Variants in LRP2 observed in about 807,000 individuals in gnomAD.
LRP2 encodes the protein low-density lipoprotein receptor-related protein 2.
A neutral mutation model predicts 531.0 loss-of-function variants in LRP2; 172 were observed. The observed-to-expected ratio is 0.32, with a 90% CI of 0.29 to 0.37. The LOEUF is 0.37. Ranked by LOEUF, LRP2 falls within the 10% of genes least tolerant of loss-of-function variation. The probability of loss-of-function intolerance (pLI) is 1.00; values close to 1 mark genes in which losing one functional copy is unlikely to be tolerated. For missense variants in LRP2, 5,167 were observed against 5,868.3 expected (o/e 0.88, Z 3.90); for synonymous variants, 1,992 against 2,027.6 (o/e 0.98, Z 0.47).
chr2:169,325,863 A>T (rs1249109213), intron 1 of LRP2, among the ~76,000 whole-genome samples: 2 of 152,118 alleles, frequency 1.3e-5, no homozygotes, highest in Admixed American at 6.5e-5. Flanking sequence ...TTATTGATTC[A>T]GAGCCCTGAT....
chr2:169,130,395 C>T (rs1474121144), intron 77 of LRP2, among the ~76,000 whole-genome samples: 1 of 151,884 alleles, frequency 6.6e-6, no homozygotes, highest in African/African-American at 2.4e-5. Flanking sequence ...TCAAGCAATC[C>T]TCCCACCTCA....
chr2:169,271,245 G>C, intron 15 of LRP2, 138 bp from the exon 16 acceptor site: 1 of 614,326 alleles, frequency 1.6e-6, no homozygotes, highest in African/African-American at 1.9e-5. Flanking sequence ...ATAAATTTTT[G>C]GAAAGCATAG....
At chr2:169,271,666 TCACCTGTGC>T in intron 15 of LRP2, 1 of 928,324 alleles carries the variant, frequency 1.1e-6, no homozygotes, top group East Asian at 1.2e-4. Context: ...GAAACCTTTC[TCACCTGTGC>T]CATCAATCTT....
intron 35 of LRP2, among the ~76,000 whole-genome samples, 184 bp from the exon 36 acceptor site, chr2:169,214,054 T>G (rs927242895): frequency 1.8e-4 from 28 of 152,224 alleles, no homozygotes; most frequent in African/African-American, 6.7e-4. Context: ...GTCAGGAAAA[T>G]GTCACTGTGC....
chr2:169,336,888 T>C (rs1226490606), intron 1 of LRP2, among the ~76,000 whole-genome samples: 3 of 152,228 alleles, frequency 2.0e-5, no homozygotes, highest in African/African-American at 7.2e-5. Flanking sequence ...GGAAGAGTTA[T>C]GTTCACTCTG....
chr2:169,281,735 A>T (rs1283534522), intron 10 of LRP2, among the ~76,000 whole-genome samples: 2 of 151,410 alleles, frequency 1.3e-5, no homozygotes, highest in Non-Finnish European at 2.9e-5. Context: ...AATAAATAAA[A>T]ATAAATAAAT....
intron 37 of LRP2, among the ~76,000 whole-genome samples, chr2:169,211,056 C>G (rs992208416): frequency 6.6e-6 from 1 of 152,060 alleles, no homozygotes; most frequent in Non-Finnish European, 1.5e-5. Flanking sequence ...TTTGTCATAT[C>G]TGTACAAGAT....
chr2:169,269,193 G>A (rs1295925017), intron 16 of LRP2, among the ~76,000 whole-genome samples: 1 of 152,296 alleles, frequency 6.6e-6, no homozygotes, highest in Admixed American at 6.5e-5. Flanking sequence ...GTGATTTATA[G>A]ATTCAATGCC....
At chr2:169,282,667 T>G (rs1268153415) in intron 10 of LRP2, among the ~76,000 whole-genome samples, 3 of 152,212 alleles carry the variant, frequency 2.0e-5, no homozygotes, top group Admixed American at 2.0e-4. Flanking sequence ...ATGGTCACCA[T>G]TAGTCGACAA....
chr2:169,166,704 G>C (rs1417227308), intron 61 of LRP2, among the ~76,000 whole-genome samples: 1 of 152,200 alleles, frequency 6.6e-6, no homozygotes, highest in Non-Finnish European at 1.5e-5. Flanking sequence ...CACACTTGCT[G>C]TCCAGAGTGA....
chr2:169,257,317 G>A (rs1690345393), intron 17 of LRP2, 68 bp from the exon 18 acceptor site: 1 of 1,522,006 alleles, frequency 6.6e-7, no homozygotes, highest in Admixed American at 1.7e-5. Flanking sequence ...CAGAGATTTA[G>A]AACAAACAGA....
chr2:169,352,674 A>G (rs1326509328), intron 1 of LRP2, among the ~76,000 whole-genome samples: 1 of 152,204 alleles, frequency 6.6e-6, no homozygotes, highest in Non-Finnish European at 1.5e-5. Flanking sequence ...TGCAGCCATA[A>G]AAAGGAATGA....
chr2:169,272,513 G>A (rs1683443558), intron 15 of LRP2, among the ~76,000 whole-genome samples: 1 of 152,140 alleles, frequency 6.6e-6, no homozygotes, highest in Admixed American at 6.5e-5. Context: ...AGAAGTCAAA[G>A]TGGGGAGAAG....
At chr2:169,288,600 T>C (rs1048453040) in intron 9 of LRP2, among the ~76,000 whole-genome samples, 1 of 152,150 alleles carries the variant, frequency 6.6e-6, no homozygotes, top group African/African-American at 2.4e-5. Context: ...TGGGGATGCT[T>C]GTGCATCCTG....
chr2:169,346,887 T>C (rs923019444), intron 1 of LRP2, among the ~76,000 whole-genome samples: 1 of 152,230 alleles, frequency 6.6e-6, no homozygotes, highest in African/African-American at 2.4e-5. Flanking sequence ...CAGTTTCAAT[T>C]GCTAACTAGA....
Position 169,289,011 on chromosome 2 carries a change from C to T in LRP2, c.1042+15G>A, listed in dbSNP as rs1683930912. 3 of 1,613,600 alleles carry T rather than the reference C, an allele frequency of 1.9e-6. No individual in the cohort carries two copies. Among genetic ancestry groups the T allele is most frequent in the Non-Finnish European group, 2.5e-6 (3 of 1,179,704 alleles). On this transcript the variant is annotated intron_variant, in intron 9 of 78. Coordinates refer to ENST00000649046, the MANE Select transcript of LRP2 (RefSeq NM_004525.3). The stretch of plus-strand genomic sequence containing the variant: ...TGTAATGAAAGACAAGTAGCCGCCG[C>T]CCCCCATCACTTACCAACACAGGTA...
At chr2:169,296,585 A>C (rs952702404) in intron 4 of LRP2, among the ~76,000 whole-genome samples, 1 of 151,684 alleles carries the variant, frequency 6.6e-6, no homozygotes, top group Non-Finnish European at 1.5e-5. Flanking sequence ...CAGAAGAAAA[A>C]CTCGTAGAAA....
Position 169,170,603 on chromosome 2 carries a change from C to A in LRP2, c.11328G>T (p.Trp3776Cys), listed in dbSNP as rs758068621. The A allele has an allele frequency of 2.9e-5, 46 of 1,613,806 alleles. No individual in the cohort carries two copies. The highest frequency in any genetic ancestry group is 3.6e-5 in the Non-Finnish European group (43 of 1,179,936). The change falls in exon 59 of 79, where the codon TGG becomes TGT. Residue 3776 changes from tryptophan to cysteine, a missense_variant. By Grantham distance (215) the Trp-to-Cys change is radical (BLOSUM62 -2). Coordinates refer to ENST00000649046, the MANE Select transcript of LRP2 (RefSeq NM_004525.3). The stretch of plus-strand genomic sequence containing the variant: ...CACAGTCGTTGTAATGGTCACAGAT[C>A]CATCGCGAGGGAATGCACTGCTGAT... ...CVNQQCIPSR[W>C]ICDHYNDCGD... is the part of the protein sequence containing the mutation.
At chr2:169,307,728 C>A (rs1684465205) in intron 3 of LRP2, among the ~76,000 whole-genome samples, 1 of 152,138 alleles carries the variant, frequency 6.6e-6, no homozygotes, top group Non-Finnish European at 1.5e-5. Flanking sequence ...ACCCCCAACC[C>A]ACCCATTGAA....
Sources: allele counts gnomAD v4.1 joint callset (sites outside exome capture counted in the v4.1 genomes callset), GRCh38; gene constraint gnomAD v4.1.1; transcripts MANE v1.5; gene names NCBI Gene and HGNC (gene_info 2026-07-23, HGNC 2026-07-21).